Variants in FRMD3 observed in about 807,000 individuals in gnomAD.
The protein encoded by FRMD3 is FERM domain-containing protein 3.
Under a neutral mutation model 70.2 loss-of-function variants are expected in FRMD3, and 33 were observed. The ratio of observed to expected loss-of-function variants is 0.47; its 90% CI spans 0.36 to 0.63. FRMD3 has a LOEUF of 0.63. FRMD3 is among the 20% of genes least tolerant of loss of function. The pLI is 0.00. For synonymous variants in FRMD3, 279 were observed against 255.9 expected (o/e 1.09, Z -0.86); for missense variants, 632 against 711.4 (o/e 0.89, Z 1.27).
At chr9:83,429,171 G>A (rs1260633098) in intron 1 of FRMD3, among the ~76,000 whole-genome samples, 3 of 152,082 alleles carry the variant, frequency 2.0e-5, no homozygotes, top group South Asian at 2.1e-4. Flanking sequence ...ACTTCTCTTC[G>A]TAGTCATGCC....
At chr9:83,418,852 C>G (rs555017278) in intron 1 of FRMD3, among the ~76,000 whole-genome samples, 2 of 152,290 alleles carry the variant, frequency 1.3e-5, no homozygotes, top group South Asian at 4.1e-4. Context: ...GCACAGTTCA[C>G]AATTGCGAAG....
intron 1 of FRMD3, among the ~76,000 whole-genome samples, chr9:83,435,906 G>C (rs1232655222): frequency 6.6e-6 from 1 of 152,130 alleles, no homozygotes. Flanking sequence ...ACAATAGAGA[G>C]AAATTGGATC....
At chr9:83,261,141 A>ACACACACACACACG (rs1554677851) in intron 13 of FRMD3, among the ~76,000 whole-genome samples, 1 of 148,018 alleles carries the variant, frequency 6.8e-6, no homozygotes, top group South Asian at 2.1e-4. Context: ...ACACACACAC[A>ACACACACACACACG]GCAGATCCTA....
intron 6 of FRMD3, among the ~76,000 whole-genome samples, chr9:83,332,623 T>C (rs1014280584): frequency 6.6e-6 from 1 of 152,202 alleles, no homozygotes; most frequent in Non-Finnish European, 1.5e-5. Context: ...CACCCCCTCC[T>C]GAGGTAAACA....
intron 1 of FRMD3, among the ~76,000 whole-genome samples, chr9:83,501,504 G>A (rs1383160544): frequency 6.6e-6 from 1 of 152,158 alleles, no homozygotes; most frequent in Non-Finnish European, 1.5e-5. Flanking sequence ...AGGCTATAGA[G>A]CTGAGCTACA....
At chr9:83,364,507 G>A (rs1824724930) in intron 3 of FRMD3, among the ~76,000 whole-genome samples, 1 of 149,666 alleles carries the variant, frequency 6.7e-6, no homozygotes, top group Non-Finnish European at 1.5e-5. Context: ...AGTGAGCCAA[G>A]ATCACACCAC....
chr9:83,344,773 TAATA>T (rs1823894019), intron 4 of FRMD3, among the ~76,000 whole-genome samples: 1 of 151,866 alleles, frequency 6.6e-6, no homozygotes, highest in South Asian at 2.1e-4. Context: ...CAATTCCTTA[TAATA>T]AATCTCATTA....
At chr9:83,381,318 G>A (rs1825345486) in intron 2 of FRMD3, among the ~76,000 whole-genome samples, 1 of 152,160 alleles carries the variant, frequency 6.6e-6, no homozygotes, top group Non-Finnish European at 1.5e-5. Flanking sequence ...ACTTTCGGAG[G>A]CCAAGGTGGG....
At chr9:83,563,474 T>C in the FRMD3 span, among the ~76,000 whole-genome samples, 1 of 151,894 alleles carries the variant, frequency 6.6e-6, no homozygotes. Flanking sequence ...CTCTCTGGAG[T>C]GTGTGGATGC....
chr9:83,407,511 C>A (rs1826137587), intron 1 of FRMD3, among the ~76,000 whole-genome samples: 1 of 152,218 alleles, frequency 6.6e-6, no homozygotes, highest in Non-Finnish European at 1.5e-5. Context: ...AATCCCTACC[C>A]TCCTTGGAGG....
chr9:83,565,029 C>T, the FRMD3 span, among the ~76,000 whole-genome samples: 3 of 152,160 alleles, frequency 2.0e-5, no homozygotes, highest in African/African-American at 4.8e-5. Flanking sequence ...AGGCTGTCAA[C>T]GCCAGTGATA....
At chr9:83,352,028 A>T (rs1423793851) in intron 3 of FRMD3, among the ~76,000 whole-genome samples, 1 of 152,174 alleles carries the variant, frequency 6.6e-6, no homozygotes, top group African/African-American at 2.4e-5. Context: ...GTAGATAGAG[A>T]TCTCACTTAA....
intron 1 of FRMD3, among the ~76,000 whole-genome samples, chr9:83,498,563 T>C (rs759136712): frequency 7.2e-5 from 11 of 152,048 alleles, no homozygotes; most frequent in Non-Finnish European, 1.5e-4. Context: ...CTAAATAAAA[T>C]GAAAAAATAC....
At chr9:83,552,878 G>A in the FRMD3 span, among the ~76,000 whole-genome samples, 13 of 152,186 alleles carry the variant, frequency 8.5e-5, no homozygotes, top group East Asian at 1.4e-3. Flanking sequence ...TTTTGGGTGA[G>A]ATGGGTCTCT....
chr9:83,439,605 T>C (rs1227538057), intron 1 of FRMD3, among the ~76,000 whole-genome samples: 1 of 152,220 alleles, frequency 6.6e-6, no homozygotes, highest in Non-Finnish European at 1.5e-5. Context: ...GAAACCCCAT[T>C]TTAGCAGAAA....
intron 1 of FRMD3, among the ~76,000 whole-genome samples, chr9:83,425,231 A>G (rs927325976): frequency 3.3e-5 from 5 of 152,238 alleles, no homozygotes; most frequent in African/African-American, 1.2e-4. Flanking sequence ...GTAGATATAT[A>G]TCCTAGATTA....
At chr9:83,298,639 A>G in intron 12 of FRMD3, 109 bp downstream of exon 12, 1 of 816,922 alleles carries the variant, frequency 1.2e-6, no homozygotes, top group Admixed American at 2.2e-5. Context: ...TAAGGAAGTG[A>G]GAATGTCCTT....
At chr9:83,334,618 A>G (rs1294423484) in intron 6 of FRMD3, among the ~76,000 whole-genome samples, 1 of 142,110 alleles carries the variant, frequency 7.0e-6, no homozygotes, top group Non-Finnish European at 1.6e-5. Context: ...TGCTATTACC[A>G]AAATGATTTT....
chr9:83,498,869 G>A (rs181191317), intron 1 of FRMD3, among the ~76,000 whole-genome samples: 4 of 152,198 alleles, frequency 2.6e-5, no homozygotes, highest in Admixed American at 2.0e-4. Context: ...CTAAAACTGA[G>A]TAAAGCAACA....
Sources: allele counts gnomAD v4.1 joint callset (sites outside exome capture counted in the v4.1 genomes callset), GRCh38; gene constraint gnomAD v4.1.1; transcripts MANE v1.5; gene names NCBI Gene and HGNC (gene_info 2026-07-23, HGNC 2026-07-21).